Variants in PCDHGB6 observed in about 807,000 individuals in gnomAD.
The protein encoded by PCDHGB6 is protocadherin gamma subfamily B, 6.
A neutral mutation model predicts 59.1 loss-of-function variants in PCDHGB6; 51 were observed. The observed-to-expected ratio is 0.86, with a 90% confidence interval of 0.69 to 1.09. The LOEUF (loss-of-function observed/expected upper bound fraction) is 1.09, where lower values mean the gene tolerates loss of function less well. Among genes scored for constraint, PCDHGB6 ranks in the 50% least tolerant of loss-of-function variants. The pLI, the probability that PCDHGB6 is intolerant of heterozygous loss-of-function variation, is 0.00. For missense variants in PCDHGB6, 1,148 were observed against 1,205.1 expected, an observed-to-expected ratio of 0.95 and a Z score of 0.70; for synonymous variants, 466 against 495.1, an observed-to-expected ratio of 0.94 and a Z score of 0.78.
rs759582867 is a variant in PCDHGB6, at chr5:141,410,230, C to T, written c.2028C>T (p.Ser676=). 1 of 1,614,006 alleles carries T rather than the reference C, an allele frequency of 6.2e-7. No individual in the cohort carries two copies. Among genetic ancestry groups the T allele is most frequent in the Admixed American group, 1.7e-5 (1 of 60,038 alleles). ...TGCAAGAGATACTGCCAGACCTCAG[C>T]GACCGCCCTGTACTCTCTGACCCCC... ...DNLQEILPDL[S]DRPVLSDPQA... is the part of the protein sequence containing the mutation. Residue 676 remains serine, a synonymous_variant, in exon 1 of 4, where the codon AGC becomes AGT. Coordinates refer to ENST00000520790, the MANE Select transcript of PCDHGB6 (RefSeq NM_018926.3).
Position 141,490,157 on chromosome 5 carries a change from G to T in PCDHGB6, c.2419-4650G>T. 1 of 1,614,210 alleles carries T rather than the reference G, an allele frequency of 6.2e-7. No homozygotes were observed. The highest frequency in any genetic ancestry group is 8.5e-7 in the Non-Finnish European group (1 of 1,180,038). On this transcript the variant is annotated intron_variant, in intron 1 of 3. Transcript: ENST00000520790. This position sits in a 1 kb window ranked among gnomAD's most constrained non-coding sequence, Gnocchi z 5.4. ...AGCAGTGGGGCAATCCATGTGTTGGGTCCCATAGACTTTGAGGAGTCACGT... is the reference window on the plus strand; with the variant it reads ...AGCAGTGGGGCAATCCATGTGTTGGTTCCCATAGACTTTGAGGAGTCACGT...
chr5:141,509,233 AG>A (rs1204393769), intron 3 of PCDHGB6, among the ~76,000 whole-genome samples: 1 of 152,104 alleles, frequency 6.6e-6, no homozygotes, highest in Non-Finnish European at 1.5e-5. Context: ...TTGATGTCCC[AG>A]GATTACTCAG....
At chr5:141,422,446 A>G in intron 1 of PCDHGB6, 1 of 1,610,700 alleles carries the variant, frequency 6.2e-7, no homozygotes, top group South Asian at 1.1e-5. Context: ...CAAATTGATA[A>G]CAAGCAGAGT....
At position 141,410,161 on chromosome 5, in the gene PCDHGB6, A is replaced by C. The variant is rs2095363664; in HGVS notation, c.1959A>C (p.Pro653=). ...LVAVRDGGQP[P]LSATATLHLV... ...CTGTGCGTGACGGTGGACAGCCGCC[A>C]CTCTCTGCCACCGCCACGCTTCATC... The change falls in exon 1 of 4, where the codon CCA becomes CCC. Residue 653 remains proline (P), a synonymous_variant. Coordinates refer to ENST00000520790, the MANE Select transcript of PCDHGB6 (RefSeq NM_018926.3). 1 of 1,613,220 alleles carries C rather than the reference A, an allele frequency of 6.2e-7. No individual in the cohort carries two copies. The highest frequency in any genetic ancestry group is 1.3e-5 in the African/African-American group (1 of 74,922).
chr5:141,505,143 C>G lies in PCDHGB6; in HGVS notation c.2478-250C>G, dbSNP rs578261428. ...CGCCACTGCACTCCAGCCTGGATGA[C>G]AGAGTAAGACCCTGTCTAAAACAAA... On this transcript the variant is annotated intron_variant, in intron 2 of 3. Coordinates refer to ENST00000520790, the MANE Select transcript of PCDHGB6 (RefSeq NM_018926.3). Among the ~76,000 whole-genome samples the G allele has an allele frequency of 3.3e-5, 5 of 152,290 alleles. No homozygotes were observed. The East Asian group carries it at 7.7e-4, about 24-fold the overall frequency.
Position 141,483,506 on chromosome 5 carries a change from T to A in PCDHGB6, c.2419-11301T>A, listed in dbSNP as rs964063329. ...AGGGACAGGGATGAGTCAAGGCTGA[T>A]CCCCCTAGATCCTGACTAAGGAAGC... On this transcript the variant is annotated intron_variant, in intron 1 of 3. Coordinates refer to ENST00000520790, the MANE Select transcript of PCDHGB6 (RefSeq NM_018926.3). Among the ~76,000 whole-genome samples the A allele has an allele frequency of 2.7e-5, 4 of 148,396 alleles. No individual in the cohort carries two copies. In the South Asian group the frequency reaches 8.5e-4, roughly 32 times the overall value.
intron 1 of PCDHGB6, among the ~76,000 whole-genome samples, chr5:141,429,369 G>A (rs1368624471): frequency 6.7e-6 from 1 of 148,994 alleles, no homozygotes; most frequent in Non-Finnish European, 1.5e-5. Context: ...AGAAAATGGA[G>A]AAAATGTGTT....
chr5:141,437,978 C>T (rs1014157103), intron 1 of PCDHGB6, among the ~76,000 whole-genome samples: 2 of 152,212 alleles, frequency 1.3e-5, no homozygotes, highest in East Asian at 1.9e-4. Context: ...TCTTGGGATG[C>T]ACCCACCCCA....
intron 1 of PCDHGB6, among the ~76,000 whole-genome samples, chr5:141,434,700 G>A (rs1041657389): frequency 6.6e-6 from 1 of 151,780 alleles, no homozygotes; most frequent in Non-Finnish European, 1.5e-5. Context: ...TAATAAATAT[G>A]TGGGTAAATC....
intron 1 of PCDHGB6, among the ~76,000 whole-genome samples, chr5:141,470,842 C>A (rs2099241464): frequency 6.6e-6 from 1 of 152,044 alleles, no homozygotes; most frequent in Non-Finnish European, 1.5e-5. Context: ...CACACGCCAC[C>A]ATGCTCAGAT....
chr5:141,416,042 A>G (rs1024979061), intron 1 of PCDHGB6: 1 of 193,196 alleles, frequency 5.2e-6, no homozygotes, highest in African/African-American at 2.3e-5. Context: ...ACCTCTGGAA[A>G]CACAACCCAA....
chr5:141,436,638 A>G (rs2097838155), intron 1 of PCDHGB6, among the ~76,000 whole-genome samples: 1 of 152,194 alleles, frequency 6.6e-6, no homozygotes, highest in Non-Finnish European at 1.5e-5. Flanking sequence ...ACATGCAATT[A>G]ATTAACAGTA....
intron 1 of PCDHGB6, among the ~76,000 whole-genome samples, chr5:141,467,824 G>A (rs1272399938): frequency 2.0e-5 from 3 of 151,798 alleles, no homozygotes; most frequent in Non-Finnish European, 4.4e-5. Flanking sequence ...ACACCAGGCT[G>A]ATTTTTATAT....
chr5:141,455,477 C>A (rs557286491), intron 1 of PCDHGB6, among the ~76,000 whole-genome samples: 15 of 152,252 alleles, frequency 9.9e-5, no homozygotes, highest in African/African-American at 2.9e-4. Flanking sequence ...TATGCAGAGG[C>A]TGGTGGAGGT....
In PCDHGB6 at chr5:141,491,736, G is replaced by T; in HGVS notation, c.2419-3071G>T. The T allele has an allele frequency of 6.2e-7, 1 of 1,600,560 alleles. No individual in the cohort carries two copies. Among genetic ancestry groups the T allele is most frequent in the Non-Finnish European group, 8.5e-7 (1 of 1,174,270 alleles). ...CGGCGCCGCCCCGGGCGACCCCTGG[G>T]GGCGGCACTGGAGAAGCCGCCCGTC... On this transcript the variant is annotated intron_variant, in intron 1 of 3. Coordinates refer to ENST00000520790, the MANE Select transcript of PCDHGB6 (RefSeq NM_018926.3). This position sits in a 1 kb window ranked among gnomAD's most constrained non-coding sequence, Gnocchi z 6.9.
At chr5:141,505,505 G>A (rs2099846270) in intron 3 of PCDHGB6, 24 bp downstream of exon 3, 1 of 1,614,132 alleles carries the variant, frequency 6.2e-7, no homozygotes, top group Non-Finnish European at 8.5e-7. Flanking sequence ...GTGTGTGTAT[G>A]GAAGAGTGGG....
chr5:141,419,218 A>G, intron 1 of PCDHGB6: 1 of 1,613,940 alleles, frequency 6.2e-7, no homozygotes, highest in Non-Finnish European at 8.5e-7. Flanking sequence ...CGGTTTTCGG[A>G]CAGTCAGCCT....
intron 2 of PCDHGB6, among the ~76,000 whole-genome samples, chr5:141,501,236 G>T (rs571684337): frequency 5.5e-4 from 83 of 150,782 alleles, no homozygotes; most frequent in African/African-American, 2.0e-3. Context: ...TCAGTTTTTT[G>T]AGCATGATGT....
At chr5:141,500,488 C>A (rs569168291) in intron 2 of PCDHGB6, among the ~76,000 whole-genome samples, 2 of 152,060 alleles carry the variant, frequency 1.3e-5, no homozygotes, top group East Asian at 3.9e-4. Flanking sequence ...GGATTACAGG[C>A]GTGAGCCACC....
Sources: gnomAD v4.1 joint callset for allele counts (sites outside exome capture counted in the v4.1 genomes callset) on GRCh38, gnomAD v4.1.1 for gene constraint, Gnocchi (gnomAD v3.1) non-coding constraint, MANE v1.5 for transcripts, NCBI Gene and HGNC (gene_info 2026-07-23, HGNC 2026-07-21) for gene names.